MIPOL1: variants seen among roughly 807,000 people sequenced by gnomAD.
MIPOL1 encodes the protein mirror-image polydactyly gene 1 protein.
MIPOL1 carries 57 observed loss-of-function variants against 60.9 expected under a neutral mutation model. That is an observed-to-expected ratio of 0.94 (90% confidence interval 0.76 to 1.17). The LOEUF (loss-of-function observed/expected upper bound fraction) is 1.17, where lower values mean the gene tolerates loss of function less well. Among genes scored for constraint, MIPOL1 ranks in the 50% most tolerant of loss-of-function variants. The probability of loss-of-function intolerance (pLI) is 0.00; values close to 1 mark genes in which losing one functional copy is unlikely to be tolerated. For synonymous variants in MIPOL1, 179 were observed against 168.8 expected (o/e 1.06, Z -0.47); for missense variants, 551 against 511.6 (o/e 1.08, Z -0.74).
chr14:37,444,711 A>C (rs2094305212), intron 11 of MIPOL1, among the ~76,000 whole-genome samples: 1 of 152,212 alleles, frequency 6.6e-6, no homozygotes, highest in Non-Finnish European at 1.5e-5. Flanking sequence ...GCAGCACATC[A>C]AAAAGCTTAT....
chr14:37,314,282 G>A (rs2153439074), intron 9 of MIPOL1, among the ~76,000 whole-genome samples: 1 of 152,234 alleles, frequency 6.6e-6, no homozygotes, highest in Non-Finnish European at 1.5e-5. Context: ...GAAAACCCAT[G>A]GAAGAATCAA....
chr14:37,399,998 A>G (rs2093452250), intron 10 of MIPOL1: 1 of 152,160 alleles, frequency 6.6e-6, no homozygotes, highest in South Asian at 2.1e-4. Flanking sequence ...TGAAGCAAAG[A>G]TTATTCTTGG....
At position 37,348,854 on chromosome 14, in the gene MIPOL1, G is replaced by A. The variant is rs7154666; in HGVS notation, c.829-20663G>A. 8.2e-3 allele frequency among the ~76,000 whole-genome samples: 1,102 copies of A among 134,752 alleles called. 15 individuals are homozygous for A. Among genetic ancestry groups the A allele is most frequent in the African/African-American group, 0.031 (1,055 of 33,808 alleles). The allele number at this position is 134,752 out of a possible 152,430, so 88.4% of individuals were successfully genotyped here. A position where few individuals can be genotyped will look rare whatever the true frequency, so the allele number is the denominator to read the frequency against. On this transcript the variant is annotated intron_variant, in intron 9 of 12. Coordinates refer to ENST00000684589, the MANE Select transcript of MIPOL1 (RefSeq NM_001388067.1). Reference sequence around the variant, plus strand: ...TTTTTTTTTTTTTTTTTTGGACAGAGTCTCACTCTGTCACCCGGGCTGGAG... The same window carrying A: ...TTTTTTTTTTTTTTTTTTGGACAGAATCTCACTCTGTCACCCGGGCTGGAG...
intron 11 of MIPOL1, among the ~76,000 whole-genome samples, chr14:37,494,467 T>G (rs1014848988): frequency 6.6e-6 from 1 of 152,156 alleles, no homozygotes; most frequent in Non-Finnish European, 1.5e-5. Context: ...TGGAAAGGCA[T>G]TCCAAACAAA....
In MIPOL1 at chr14:37,229,081, A is replaced by G. The variant is rs1468466315; in HGVS notation, c.-198-18022A>G. On this transcript the variant is annotated intron_variant, in intron 1 of 12. Coordinates refer to ENST00000684589, the MANE Select transcript of MIPOL1 (RefSeq NM_001388067.1). ...TATTTAAACATATATATACTTTTCT[A>G]GGTATTGTGCAAAACAGGCACTAGA... Among the ~76,000 whole-genome samples the G allele has an allele frequency of 2.0e-5, 3 of 152,344 alleles. No homozygotes were observed. The East Asian group carries it at 5.8e-4, about 29-fold the overall frequency.
intron 7 of MIPOL1, among the ~76,000 whole-genome samples, chr14:37,298,449 A>T (rs984453406): frequency 3.3e-5 from 5 of 152,220 alleles, no homozygotes; most frequent in Non-Finnish European, 4.4e-5. Flanking sequence ...AAATTGACAA[A>T]TGGGATCTAA....
At chr14:37,504,712 A>G (rs1201894287) in intron 12 of MIPOL1, 1 of 152,214 alleles carries the variant, frequency 6.6e-6, no homozygotes, top group Non-Finnish European at 1.5e-5. Context: ...AAGCAAGAGC[A>G]AACAAATTCA....
chr14:37,273,375 AT>A (rs1007327397), intron 6 of MIPOL1, among the ~76,000 whole-genome samples: 30 of 147,864 alleles, frequency 2.0e-4, no homozygotes, highest in Middle Eastern at 3.5e-3. Flanking sequence ...AAAAGATGTG[AT>A]TTTTTTTTTA....
intron 10 of MIPOL1, among the ~76,000 whole-genome samples, chr14:37,375,916 T>G (rs2153504044): frequency 6.6e-6 from 1 of 152,234 alleles, no homozygotes; most frequent in Non-Finnish European, 1.5e-5. Context: ...TTTTTTCCTC[T>G]TTGTTTGCTC....
chr14:37,468,628 T>C (rs2094633970), intron 11 of MIPOL1, among the ~76,000 whole-genome samples: 1 of 152,146 alleles, frequency 6.6e-6, no homozygotes, highest in Non-Finnish European at 1.5e-5. Flanking sequence ...AAGCAACAAG[T>C]TATTAATTTA....
intron 9 of MIPOL1, among the ~76,000 whole-genome samples, chr14:37,351,788 C>T (rs2091410457): frequency 1.6e-5 from 2 of 122,488 alleles, no homozygotes; most frequent in African/African-American, 6.1e-5. Context: ...TGTTTGAGTT[C>T]ATTGTAGATT....
At chr14:37,413,117 A>G (rs1372237255) in intron 10 of MIPOL1, among the ~76,000 whole-genome samples, 2 of 152,134 alleles carry the variant, frequency 1.3e-5, no homozygotes, top group Non-Finnish European at 1.5e-5. Context: ...ACTAACTTCA[A>G]TATTATCAAA....
chr14:37,377,015 G>T (rs116291176), intron 10 of MIPOL1, among the ~76,000 whole-genome samples: 651 of 152,024 alleles, frequency 4.3e-3, no homozygotes, highest in African/African-American at 0.013. Context: ...TTGTCCTAAT[G>T]ACTCTATGTC....
At chr14:37,481,609 ACACCG>A (rs2094870472) in intron 11 of MIPOL1, among the ~76,000 whole-genome samples, 1 of 141,596 alleles carries the variant, frequency 7.1e-6, no homozygotes, top group Non-Finnish European at 1.5e-5. Context: ...ACACACACAC[ACACCG>A]AAACCACATA....
At chr14:37,291,577 C>T (rs1016586437) in intron 7 of MIPOL1, among the ~76,000 whole-genome samples, 2 of 151,838 alleles carry the variant, frequency 1.3e-5, no homozygotes, top group African/African-American at 4.8e-5. Flanking sequence ...AAATGCCAAC[C>T]GTGGGTAGGA....
chr14:37,318,874 G>A (rs557100867), intron 9 of MIPOL1, among the ~76,000 whole-genome samples: 3 of 152,014 alleles, frequency 2.0e-5, no homozygotes, highest in South Asian at 2.1e-4. Flanking sequence ...TGTTACCCAG[G>A]CTGGAATACA....
intron 12 of MIPOL1, among the ~76,000 whole-genome samples, chr14:37,528,084 C>T (rs2095458527): frequency 6.6e-6 from 1 of 152,050 alleles, no homozygotes; most frequent in South Asian, 2.1e-4. Flanking sequence ...ATTGGCCAAT[C>T]AGAAAATGCT....
chr14:37,355,109 C>T (rs2091704403), intron 9 of MIPOL1, among the ~76,000 whole-genome samples: 5 of 148,748 alleles, frequency 3.4e-5, no homozygotes, highest in African/African-American at 7.4e-5. Context: ...CTGGTGGTGA[C>T]AAAATCTCTC....
At chr14:37,504,196 A>G (rs1456642132) in intron 12 of MIPOL1, 1 of 152,144 alleles carries the variant, frequency 6.6e-6, no homozygotes, top group East Asian at 1.9e-4. Context: ...AGACAGATCA[A>G]CGAGAGAGGA....
Sources: allele counts gnomAD v4.1 joint callset (sites outside exome capture counted in the v4.1 genomes callset), GRCh38; gene constraint gnomAD v4.1.1; transcripts MANE v1.5; gene names NCBI Gene and HGNC (gene_info 2026-07-23, HGNC 2026-07-21).